SEC24D: variants seen among roughly 807,000 people sequenced by gnomAD.
SEC24D encodes the protein protein transport protein Sec24D.
Under a neutral mutation model 116.9 loss-of-function variants are expected in SEC24D, and 69 were observed. That is an observed-to-expected ratio of 0.59 (90% CI 0.49 to 0.72). The LOEUF (loss-of-function observed/expected upper bound fraction) is 0.72. Among genes scored for constraint, SEC24D ranks in the 30% least tolerant of loss-of-function variants. SEC24D has a pLI of 0.00. For synonymous variants in SEC24D, 405 were observed against 442.8 expected (o/e 0.91, Z 1.07); for missense variants, 1,131 against 1,264.1 (o/e 0.89, Z 1.60).
chr4:118,728,945 G>A (rs961499858), intron 21 of SEC24D: 5 of 247,172 alleles, frequency 2.0e-5, no homozygotes, highest in African/African-American at 6.8e-5. Flanking sequence ...CTGTATCCAT[G>A]GGTTCTGCAT....
intron 6 of SEC24D, among the ~76,000 whole-genome samples, chr4:118,810,139 A>AGTGTGTGTGTGTGT (rs1729858884): frequency 1.9e-4 from 7 of 37,404 alleles, no homozygotes; most frequent in African/African-American, 2.1e-4. Flanking sequence ...TGTGTGTGTC[A>AGTGTGTGTGTGTGT]GAGGGTATAG....
chr4:118,825,077 G>A (rs1202469328), intron 2 of SEC24D, among the ~76,000 whole-genome samples: 1 of 152,178 alleles, frequency 6.6e-6, no homozygotes, highest in East Asian at 1.9e-4. Flanking sequence ...AACACGCAAT[G>A]AAAAATGGCA....
At chr4:118,795,105 TTA>T (rs1309892503) in intron 8 of SEC24D, among the ~76,000 whole-genome samples, 2 of 152,160 alleles carry the variant, frequency 1.3e-5, no homozygotes, top group African/African-American at 2.4e-5. Context: ...TTTGGATTGT[TTA>T]TGTTTTACTT....
At chr4:118,787,076 C>G (rs2110493102) in intron 8 of SEC24D, among the ~76,000 whole-genome samples, 1 of 152,288 alleles carries the variant, frequency 6.6e-6, no homozygotes, top group Admixed American at 6.5e-5. Context: ...GGCTAGAACA[C>G]TGTTCTAAAA....
chr4:118,816,218 C>A (rs962311073), intron 4 of SEC24D, among the ~76,000 whole-genome samples: 1 of 151,604 alleles, frequency 6.6e-6, no homozygotes, highest in East Asian at 1.9e-4. Context: ...TGTGAGCCAC[C>A]ATGCCTGGCC....
At chr4:118,773,790 A>G (rs895105419) in intron 8 of SEC24D, among the ~76,000 whole-genome samples, 1 of 152,214 alleles carries the variant, frequency 6.6e-6, no homozygotes, top group Non-Finnish European at 1.5e-5. Flanking sequence ...GAAGCAGCTT[A>G]TATGTGCTTT....
chr4:118,739,915 G>C (rs542932290), intron 17 of SEC24D, among the ~76,000 whole-genome samples: 5 of 152,212 alleles, frequency 3.3e-5, no homozygotes, highest in South Asian at 2.1e-4. Context: ...CTTCTAGTTA[G>C]TTTCACTTTA....
chr4:118,769,208 A>G (rs1168171921), intron 8 of SEC24D, among the ~76,000 whole-genome samples: 1 of 152,222 alleles, frequency 6.6e-6, no homozygotes, highest in Non-Finnish European at 1.5e-5. Context: ...GAATACTCAC[A>G]GTGTAGCTGG....
At chr4:118,793,861 A>C (rs1729057700) in intron 8 of SEC24D, among the ~76,000 whole-genome samples, 1 of 152,162 alleles carries the variant, frequency 6.6e-6, no homozygotes, top group Non-Finnish European at 1.5e-5. Context: ...GTGTAGAGAG[A>C]GCCTGAGTAG....
chr4:118,756,265 A>G (rs1057009367), intron 11 of SEC24D, among the ~76,000 whole-genome samples: 3 of 152,158 alleles, frequency 2.0e-5, no homozygotes, highest in Admixed American at 6.5e-5. Flanking sequence ...AAGTTTCCTT[A>G]AGAATAGGGT....
chr4:118,780,915 T>A (rs929461751), intron 8 of SEC24D, among the ~76,000 whole-genome samples: 22 of 136,884 alleles, frequency 1.6e-4, no homozygotes, highest in Non-Finnish European at 2.8e-4. Context: ...TGCTTTTTTT[T>A]TTTTTTTTTT....
chr4:118,751,844 C>T (rs957723303), intron 13 of SEC24D, 152 bp downstream of exon 13: 23 of 629,242 alleles, frequency 3.7e-5, no homozygotes, highest in Non-Finnish European at 6.5e-5. Flanking sequence ...TTGGTCATTT[C>T]CTCCTGAGAT....
chr4:118,782,035 C>T (rs1036012465), intron 8 of SEC24D, among the ~76,000 whole-genome samples: 16 of 152,162 alleles, frequency 1.1e-4, no homozygotes, highest in Admixed American at 4.6e-4. Context: ...TGATCGTCTT[C>T]CTTTAGCTTG....
chr4:118,826,798 C>G (rs1327458682), intron 2 of SEC24D, among the ~76,000 whole-genome samples: 1 of 151,962 alleles, frequency 6.6e-6, no homozygotes, highest in Non-Finnish European at 1.5e-5. Context: ...CTGTGCTCTC[C>G]CTTTTGTTTG....
chr4:118,756,691 A>G (rs888880807), intron 11 of SEC24D, among the ~76,000 whole-genome samples: 6 of 152,164 alleles, frequency 3.9e-5, no homozygotes, highest in African/African-American at 1.4e-4. Context: ...GGACTAGGTT[A>G]CAGACAACAT....
At chr4:118,833,061 T>C (rs544380949) in intron 2 of SEC24D, among the ~76,000 whole-genome samples, 8 of 152,336 alleles carry the variant, frequency 5.3e-5, no homozygotes, top group African/African-American at 1.9e-4. Context: ...CCCTTGCTGA[T>C]TCTGCACTAT....
At chr4:118,804,331 G>A (rs1202275604) in intron 7 of SEC24D, among the ~76,000 whole-genome samples, 1 of 152,136 alleles carries the variant, frequency 6.6e-6, no homozygotes, top group East Asian at 1.9e-4. Context: ...TCCTCAGGCT[G>A]TTGCAGAGAA....
chr4:118,730,857 T>A (rs35404779), intron 21 of SEC24D: 45,690 of 158,372 alleles, frequency 0.29, 7,554 homozygotes, highest in Non-Finnish European at 0.37. Flanking sequence ...TCTACATTCT[T>A]CTGAGTATGC....
chr4:118,792,313 G>A (rs950277304), intron 8 of SEC24D, among the ~76,000 whole-genome samples: 2 of 131,880 alleles, frequency 1.5e-5, no homozygotes, highest in East Asian at 2.3e-4. Context: ...TCCGGGAGGT[G>A]GGGGGGCGCC....
Sources: gnomAD v4.1 joint callset for allele counts (sites outside exome capture counted in the v4.1 genomes callset) on GRCh38, gnomAD v4.1.1 for gene constraint, MANE v1.5 for transcripts, NCBI Gene and HGNC (gene_info 2026-07-23, HGNC 2026-07-21) for gene names.